The following CHSY1 variants were observed in gnomAD, a reference collection of about 807,000 sequenced individuals.
CHSY1 encodes the protein chondroitin sulfate synthase 1, also known as N-acetylgalactosaminyl-proteoglycan 3-beta-glucuronosyltransferase 1.
A neutral mutation model predicts 59.8 loss-of-function variants in CHSY1; 13 were observed. That is an observed-to-expected ratio of 0.22 (90% CI 0.14 to 0.35). The LOEUF is 0.35. CHSY1 is among the 10% of genes least tolerant of loss of function. The probability of loss-of-function intolerance (pLI) is 1.00; values close to 1 mark genes in which losing one functional copy is unlikely to be tolerated. For synonymous variants in CHSY1, 459 were observed against 401.2 expected, an observed-to-expected ratio of 1.14 and a Z score of -1.72; for missense variants, 947 against 1,030.6, an observed-to-expected ratio of 0.92 and a Z score of 1.11.
intron 1 of CHSY1, among the ~76,000 whole-genome samples, chr15:101,247,484 T>A (rs939870897): frequency 6.6e-6 from 1 of 152,146 alleles, no homozygotes; most frequent in Non-Finnish European, 1.5e-5. Flanking sequence ...CTAAAGAACA[T>A]GACAGCAAGC....
chr15:101,183,453 G>A (rs922254691), intron 2 of CHSY1, among the ~76,000 whole-genome samples: 7 of 152,212 alleles, frequency 4.6e-5, no homozygotes, highest in African/African-American at 1.7e-4. Flanking sequence ...GAAGTGGGAG[G>A]AGTGGAAAAT....
intron 2 of CHSY1, among the ~76,000 whole-genome samples, chr15:101,183,146 TA>T (rs201210186): frequency 1.3e-5 from 2 of 149,274 alleles, no homozygotes; most frequent in African/African-American, 2.5e-5. Flanking sequence ...ATCATAACGA[TA>T]AAAAAAAACC....
intron 2 of CHSY1, among the ~76,000 whole-genome samples, chr15:101,203,071 G>A (rs190559279): frequency 8.7e-4 from 133 of 152,276 alleles, no homozygotes; most frequent in African/African-American, 3.1e-3. Flanking sequence ...CTATTTTCAA[G>A]TAAACAAACA....
chr15:101,233,941 T>C (rs2038915353), intron 2 of CHSY1, among the ~76,000 whole-genome samples: 1 of 152,224 alleles, frequency 6.6e-6, no homozygotes, highest in East Asian at 1.9e-4. Context: ...GTGTATTCTT[T>C]TTCTTGGGCA....
chr15:101,184,007 G>C (rs764117588), intron 2 of CHSY1, among the ~76,000 whole-genome samples: 3 of 152,220 alleles, frequency 2.0e-5, no homozygotes, highest in Non-Finnish European at 4.4e-5. Flanking sequence ...AGATGATATA[G>C]TGGTCACCTT....
chr15:101,188,700 A>C (rs759783257), intron 2 of CHSY1, among the ~76,000 whole-genome samples: 1 of 152,206 alleles, frequency 6.6e-6, no homozygotes, highest in Non-Finnish European at 1.5e-5. Flanking sequence ...AATTTTGAGA[A>C]TTAAGCTTAG....
At chr15:101,206,577 AG>A (rs1227269748) in intron 2 of CHSY1, among the ~76,000 whole-genome samples, 5 of 152,234 alleles carry the variant, frequency 3.3e-5, no homozygotes, top group Non-Finnish European at 7.3e-5. Flanking sequence ...ATAACACTTC[AG>A]AAAATAAACG....
chr15:101,200,841 C>T (rs1432691326), intron 2 of CHSY1, among the ~76,000 whole-genome samples: 3 of 152,192 alleles, frequency 2.0e-5, no homozygotes, highest in Non-Finnish European at 2.9e-5. Flanking sequence ...CCCACCCCAA[C>T]TGCTCTGCAT....
intron 2 of CHSY1, among the ~76,000 whole-genome samples, chr15:101,179,762 C>T (rs1395820437): frequency 6.6e-6 from 1 of 152,240 alleles, no homozygotes. Context: ...ACGCACAGGG[C>T]TCACCATTCC....
intron 2 of CHSY1, among the ~76,000 whole-genome samples, chr15:101,179,372 C>T (rs2038243876): frequency 6.6e-6 from 1 of 152,204 alleles, no homozygotes; most frequent in African/African-American, 2.4e-5. Context: ...ACCTGAATAG[C>T]AGATCCTGCG....
intron 1 of CHSY1, among the ~76,000 whole-genome samples, chr15:101,246,551 G>A (rs2039054849): frequency 6.6e-6 from 1 of 152,110 alleles, no homozygotes; most frequent in Admixed American, 6.6e-5. Flanking sequence ...AGAACAGACA[G>A]AAAGTTCAAC....
In CHSY1 at chr15:101,176,098, C is replaced by T. The variant is rs144097370; in HGVS notation, c.*1290G>A. 2,504 of 396,558 alleles carry T rather than the reference C, an allele frequency of 6.3e-3. 10 individuals carry two copies. Among genetic ancestry groups the T allele is most frequent in the Middle Eastern group, 0.014 (22 of 1,576 alleles). The allele number at this position is 396,558 out of a possible 1,614,324, so 24.6% of individuals were successfully genotyped here. ...TATAAAAATTAAGGAGGGGAAAAAG[C>T]GTTTCCAAAAGGAAATCTTTGGAGA... On this transcript the variant is annotated 3_prime_UTR_variant, in exon 3 of 3. Transcript: ENST00000254190.
At chr15:101,236,113 C>T (rs2038938733) in intron 1 of CHSY1, among the ~76,000 whole-genome samples, 1 of 152,318 alleles carries the variant, frequency 6.6e-6, no homozygotes, top group Middle Eastern at 3.4e-3. Context: ...AAGAGAAGTA[C>T]TCCCAAAGGG....
intron 2 of CHSY1, among the ~76,000 whole-genome samples, chr15:101,210,254 C>T (rs7171542): frequency 0.13 from 20,007 of 152,182 alleles, 1,390 homozygotes; most frequent in East Asian, 0.29. Context: ...AGCCACAATT[C>T]TGCATAATGT....
At position 101,234,517 on chromosome 15, in the gene CHSY1, C is replaced by A. The variant is rs149001630; in HGVS notation, c.816+565G>T. 1.2e-4 allele frequency among the ~76,000 whole-genome samples: 18 copies of A among 152,328 alleles called. No individual in the cohort carries two copies. The East Asian group carries it at 3.5e-3, about 29-fold the overall frequency. Reference sequence around the variant, plus strand: ...AAAATATCACCATGACCATCAGCAACCCATTATCTTTTCTTTAGGCCCCAA... The same window carrying A: ...AAAATATCACCATGACCATCAGCAAACCATTATCTTTTCTTTAGGCCCCAA... On this transcript the variant is annotated intron_variant, in intron 2 of 2. Transcript: ENST00000254190.
intron 2 of CHSY1, among the ~76,000 whole-genome samples, chr15:101,220,187 C>T (rs183046410): frequency 2.0e-4 from 31 of 152,304 alleles, no homozygotes; most frequent in African/African-American, 7.2e-4. Flanking sequence ...ACTAAGCAAA[C>T]GTAAATCAAA....
At chr15:101,250,464 G>A (rs368888485) in intron 1 of CHSY1, among the ~76,000 whole-genome samples, 65 of 152,236 alleles carry the variant, frequency 4.3e-4, no homozygotes, top group African/African-American at 1.5e-3. Context: ...TGGCCAACTA[G>A]AGCCCAGTTA....
rs1331773848 is a variant in CHSY1, at chr15:101,251,912, C to T, written c.-456G>A. On this transcript the variant is annotated 5_prime_UTR_variant, in exon 1 of 3. The change creates a new upstream start codon in the 5' untranslated region. Transcript: ENST00000254190. ...AGCCGGCGCCGCCGCCGCAGCTGCACATCCTCCGGCTTAGCTCGCCATTGC... is the reference window on the plus strand; with the variant it reads ...AGCCGGCGCCGCCGCCGCAGCTGCATATCCTCCGGCTTAGCTCGCCATTGC... 4.0e-5 allele frequency: 6 copies of T among 151,304 alleles called. No individual in the cohort carries two copies. Among genetic ancestry groups the T allele is most frequent in the Admixed American group, 2.6e-4 (4 of 15,200 alleles). 9.4% of individuals were successfully genotyped at this position (151,304 alleles called of 1,614,324 possible).
rs564819402 is a variant in CHSY1 at position 101,179,309 on chromosome 15, G to A, written c.817-329C>T. On this transcript the variant is annotated intron_variant, in intron 2 of 2. Coordinates refer to ENST00000254190, the MANE Select transcript of CHSY1 (RefSeq NM_014918.5). ...ATGCCTGAAAGATAAAGCCACCCCC[G>A]TCCCACTACGCCTGTGAAAGGGACC... 5.9e-5 allele frequency among the ~76,000 whole-genome samples: 9 copies of A among 152,162 alleles called. No individual in the cohort carries two copies. The East Asian group carries it at 1.2e-3, about 20-fold the overall frequency.
Sources: gnomAD v4.1 joint callset for allele counts (sites outside exome capture counted in the v4.1 genomes callset) on GRCh38, gnomAD v4.1.1 for gene constraint, MANE v1.5 for transcripts, NCBI Gene and HGNC (gene_info 2026-07-23, HGNC 2026-07-21) for gene names.